UMOD: variants seen among roughly 807,000 people sequenced by gnomAD.
The protein encoded by UMOD is uromodulin, also known as Tamm-Horsfall urinary glycoprotein.
A neutral mutation model predicts 66.0 loss-of-function variants in UMOD; 64 were observed. That is an observed-to-expected ratio of 0.97 (90% confidence interval 0.79 to 1.19). The LOEUF (loss-of-function observed/expected upper bound fraction) is 1.19, where lower values mean the gene tolerates loss of function less well. UMOD is among the 50% of genes most tolerant of loss of function. The probability of loss-of-function intolerance (pLI) is 0.00; values close to 1 mark genes in which losing one functional copy is unlikely to be tolerated. For missense variants in UMOD, 764 were observed against 850.9 expected (o/e 0.90, Z 1.27); for synonymous variants, 398 against 352.7 (o/e 1.13, Z -1.44).
At chr16:20,336,592 C>G (rs1280215593) in intron 9 of UMOD, 54 bp downstream of exon 9, 2 of 1,560,924 alleles carry the variant, frequency 1.3e-6, no homozygotes, top group Admixed American at 1.7e-5. Context: ...ATCCCTCTTC[C>G]TCTCCAGAAA....
chr16:20,353,163 G>T (rs1965968806), upstream of UMOD, among the ~76,000 whole-genome samples: 1 of 152,124 alleles, frequency 6.6e-6, no homozygotes, highest in South Asian at 2.1e-4. Flanking sequence ...CTTGGAGAGG[G>T]CACCCTTCTG....
At chr16:20,348,411 G>A in intron 3 of UMOD, 25 bp downstream of exon 3, 1 of 1,614,128 alleles carries the variant, frequency 6.2e-7, no homozygotes, top group Non-Finnish European at 8.5e-7. Flanking sequence ...CCTGGGATGA[G>A]GACTGTGGGG....
intron 7 of UMOD, 137 bp from the exon 8 acceptor site, chr16:20,337,590 T>C: frequency 2.0e-6 from 2 of 998,176 alleles, no homozygotes; most frequent in South Asian, 3.0e-5. Flanking sequence ...TGTACCTCAA[T>C]TTCTCCATCT....
Position 20,335,520 on chromosome 16 carries a change from C to A in UMOD, c.1823G>T (p.Gly608Val). The A allele has an allele frequency of 6.2e-7, 1 of 1,614,088 alleles. No individual in the cohort carries two copies. The highest frequency in any genetic ancestry group is 1.1e-5 in the South Asian group (1 of 91,068). ...VLNLGPITRK[G>V]VQATVSRAFS... is the part of the protein sequence containing the mutation. ...AGCCCTTGAGACTGTGGCCTGGACACCTTTGGAGGAAAACAGAAGGATCAG... is the reference window on the plus strand; with the variant it reads ...AGCCCTTGAGACTGTGGCCTGGACAACTTTGGAGGAAAACAGAAGGATCAG... Residue 608 changes from glycine to valine, a missense_variant and splice_region_variant, in exon 10 of 11, where the codon GGT becomes GTT. Transcript: ENST00000396138.
chr16:20,349,538 T>G (rs1379374691), intron 2 of UMOD, among the ~76,000 whole-genome samples: 1 of 152,146 alleles, frequency 6.6e-6, no homozygotes, highest in African/African-American at 2.4e-5. Context: ...TTCTACTCCC[T>G]GAGTTCAAGC....
At position 20,337,390 on chromosome 16, in the gene UMOD, T is replaced by G; in HGVS notation, c.1641A>C (p.Arg547=). 2 of 1,614,084 alleles carry G rather than the reference T, an allele frequency of 1.2e-6. No individual in the cohort carries two copies. The highest frequency in any genetic ancestry group is 1.7e-6 in the Non-Finnish European group (2 of 1,180,026). The change falls in exon 8 of 11, where the codon CGA becomes CGC. Residue 547 remains arginine, a synonymous_variant. Transcript: ENST00000396138. ...VVENGESSQG[R]FSVQMFRFAG... is the part of the protein sequence containing the mutation. ...CAAACCGGAACATCTGGACGGAAAA[T>G]CGGCCCTGGGAGGACTCCCCATTCT...
Position 20,333,306 on chromosome 16 carries a change from G to T in UMOD, c.*8C>A. 1 of 1,612,440 alleles carries T rather than the reference G, an allele frequency of 6.2e-7. No individual in the cohort carries two copies. Among genetic ancestry groups the T allele is most frequent in the South Asian group, 1.1e-5 (1 of 90,696 alleles). On this transcript the variant is annotated 3_prime_UTR_variant, in exon 11 of 11. Transcript: ENST00000396138. The stretch of plus-strand genomic sequence containing the variant: ...GCAGCCATGGAGCACAGGGCTTTCC[G>T]CTGTCAGTCACTGAAAAGTCAGGGT...
chr16:20,354,283 A>G (rs1477626731), upstream of UMOD, among the ~76,000 whole-genome samples: 28 of 152,152 alleles, frequency 1.8e-4, no homozygotes, highest in Non-Finnish European at 8.8e-5. Flanking sequence ...CCTCAGGATT[A>G]TGTCCAAGGA....
chr16:20,340,220 T>G (rs896025027), intron 7 of UMOD, among the ~76,000 whole-genome samples: 1 of 152,058 alleles, frequency 6.6e-6, no homozygotes, highest in African/African-American at 2.4e-5. Context: ...TTAAAAACAT[T>G]TGCTAGCTGT....
upstream of UMOD, among the ~76,000 whole-genome samples, chr16:20,354,529 CT>C (rs764512587): frequency 2.5e-4 from 38 of 150,068 alleles, no homozygotes; most frequent in Admixed American, 1.1e-3. Context: ...CATTTATTTA[CT>C]TTTTTTTTTC....
At position 20,346,322 on chromosome 16, in the gene UMOD, A is replaced by G. The variant is rs769661834; in HGVS notation, c.986T>C (p.Leu329Pro). The G allele has an allele frequency of 1.9e-6, 3 of 1,614,256 alleles. No individual in the cohort carries two copies. Among genetic ancestry groups the G allele is most frequent in the Non-Finnish European group, 8.5e-7 (1 of 1,180,052 alleles). ...GGCCCCACATTCCAGCCTGTGCTCC[A>G]GGAGGGAGATATCTGAAACAGGTTA... ...QDFNITDISL[L>P]EHRLECGAND... is the part of the protein sequence containing the mutation. The change falls in exon 5 of 11, where the codon CTG (leucine) becomes CCG (proline). Residue 329 changes from leucine (L) to proline (P), a missense_variant. Physicochemically the swap from Leu to Pro is moderately conservative, Grantham distance 98. Transcript: ENST00000396138.
rs1437421545 is a variant in UMOD at position 20,348,950 on chromosome 16, A to T, written c.351T>A (p.Leu117=). 1 of 1,574,236 alleles carries T rather than the reference A, an allele frequency of 6.4e-7. No individual in the cohort carries two copies. The highest frequency in any genetic ancestry group is 1.8e-5 in the Admixed American group (1 of 54,408). The part of the protein sequence containing the change: ...TDVDECAEPG[L]SHCHALATCV... ...ATGTGGCCAGGGCGTGGCAGTGGCT[A>T]AGCCCAGGCTCAGCGCACTCATCCA... is the stretch of plus-strand genomic sequence containing the variant. The change falls in exon 3 of 11, where the codon CTT becomes CTA. Residue 117 remains leucine (L), a synonymous_variant. Transcript: ENST00000396138.
Position 20,349,126 on chromosome 16 carries a change from C to G in UMOD, c.175G>C (p.Asp59His). Residue 59 changes from aspartate to histidine, a missense_variant, in exon 3 of 11, where the codon GAT becomes CAT. By Grantham distance (81) the Asp-to-His change is moderately conservative. Transcript: ENST00000396138. ...TCTCQEGFTG[D>H]GLTCVDLDEC... ...TCCAGGTCCACGCAGGTCAGGCCAT[C>G]GCCGGTGAAGCCCTCCTGACAGGTG... The G allele has an allele frequency of 6.2e-7, 1 of 1,614,048 alleles. No individual in the cohort carries two copies. Among genetic ancestry groups the G allele is most frequent in the Non-Finnish European group, 8.5e-7 (1 of 1,180,004 alleles).
intron 5 of UMOD, among the ~76,000 whole-genome samples, chr16:20,344,931 C>G (rs1439880947): frequency 6.6e-6 from 1 of 152,206 alleles, no homozygotes; most frequent in East Asian, 1.9e-4. Context: ...CGTGCTTCCT[C>G]TCTTGAAAAC....
chr16:20,347,301 G>T (rs1469743165), intron 4 of UMOD, among the ~76,000 whole-genome samples: 2 of 152,278 alleles, frequency 1.3e-5, no homozygotes, highest in East Asian at 3.9e-4. Context: ...GGGATTACAG[G>T]CATGAGCCAC....
intron 7 of UMOD, among the ~76,000 whole-genome samples, chr16:20,338,556 G>A (rs1465654761): frequency 2.0e-5 from 3 of 152,108 alleles, no homozygotes; most frequent in Non-Finnish European, 4.4e-5. Context: ...GTGCAGTGGT[G>A]TGATCTTGGC....
At position 20,351,472 on chromosome 16, in the gene UMOD, A is replaced by T. The variant is rs574430044; in HGVS notation, c.-102-633T>A. On this transcript the variant is annotated intron_variant, in intron 1 of 10. Transcript: ENST00000396138. ...GTTTATAGCAGCAAAATAGGGTGGC[A>T]TGTTGGTTAAGTATGTAGGAGCTGC... The T allele has an allele frequency of 4.5e-4, 70 of 156,612 alleles. 1 individual carries two copies. The South Asian group carries it at 0.013, about 30-fold the overall frequency. The allele number at this position is 156,612 out of a possible 1,614,324, so 9.7% of individuals were successfully genotyped here.
intron 9 of UMOD, 105 bp from the exon 10 acceptor site, chr16:20,335,625 A>T (rs2141629469): frequency 8.5e-7 from 1 of 1,179,924 alleles, no homozygotes; most frequent in South Asian, 1.3e-5. Context: ...AGCCAGACTG[A>T]TCTCTTCAAA....
chr16:20,346,109 C>A lies in UMOD; in HGVS notation c.1182+17G>T, dbSNP rs1026056896. On this transcript the variant is annotated intron_variant, in intron 5 of 10. Transcript: ENST00000396138. The stretch of plus-strand genomic sequence containing the variant: ...CAGGCAGTGCTCTGGTTCTGTCCCC[C>A]ACTGGCCAGGACGTACCGTCAACAC... 8 of 1,611,400 alleles carry A rather than the reference C, an allele frequency of 5.0e-6. No individual in the cohort carries two copies. Among genetic ancestry groups the A allele is most frequent in the South Asian group, 1.1e-5 (1 of 90,980 alleles).
Sources: gnomAD v4.1 joint callset for allele counts (sites outside exome capture counted in the v4.1 genomes callset) on GRCh38, gnomAD v4.1.1 for gene constraint, MANE v1.5 for transcripts, NCBI Gene and HGNC (gene_info 2026-07-23, HGNC 2026-07-21) for gene names.